Variants in RAI14 observed in about 807,000 individuals in gnomAD.
The protein encoded by RAI14 is ankycorbin.
Under a neutral mutation model 115.4 loss-of-function variants are expected in RAI14, and 45 were observed. That is an observed-to-expected ratio of 0.39 (90% CI 0.31 to 0.50). The LOEUF (loss-of-function observed/expected upper bound fraction) is 0.50. RAI14 is among the 20% of genes least tolerant of loss of function. The pLI, the probability that RAI14 is intolerant of heterozygous loss-of-function variation, is 0.85. For missense variants in RAI14, 939 were observed against 1,131.2 expected (o/e 0.83, Z 2.44); for synonymous variants, 371 against 415.4 (o/e 0.89, Z 1.30).
intron 1 of RAI14, among the ~76,000 whole-genome samples, chr5:34,678,174 C>T (rs1009140061): frequency 5.9e-5 from 9 of 151,784 alleles, no homozygotes; most frequent in African/African-American, 2.2e-4. Flanking sequence ...CTTGGCTCAC[C>T]GCAACCTCCA....
chr5:34,683,790 C>G (rs905535298), intron 1 of RAI14, among the ~76,000 whole-genome samples: 1 of 151,518 alleles, frequency 6.6e-6, no homozygotes, highest in South Asian at 2.1e-4. Context: ...TGCAGTGGCG[C>G]GATATCGGCT....
At chr5:34,681,215 A>G (rs1744356779) in intron 1 of RAI14, among the ~76,000 whole-genome samples, 1 of 152,218 alleles carries the variant, frequency 6.6e-6, no homozygotes, top group South Asian at 2.1e-4. Context: ...GAATGTTTAT[A>G]TAGCTTTGGT....
intron 2 of RAI14, among the ~76,000 whole-genome samples, chr5:34,741,099 G>A (rs1270387644): frequency 6.6e-6 from 1 of 152,128 alleles, no homozygotes; most frequent in Admixed American, 6.5e-5. Flanking sequence ...TGAGTTTGGA[G>A]CATTGTGGAA....
intron 7 of RAI14, 94 bp from the exon 8 acceptor site, chr5:34,810,918 G>A: frequency 6.3e-7 from 1 of 1,581,988 alleles, no homozygotes; most frequent in Non-Finnish European, 8.6e-7. Context: ...AGCAGTCCAA[G>A]TCAGGAGAAA....
rs1402883688 is a variant in RAI14 at position 34,740,409 on chromosome 5, A to G, written c.37-17059A>G. Among the ~76,000 whole-genome samples the G allele has an allele frequency of 5.9e-5, 9 of 152,180 alleles. 1 individual carries two copies. Among genetic ancestry groups the G allele is most frequent in the Admixed American group, 3.3e-4 (5 of 15,280 alleles). On this transcript the variant is annotated intron_variant, in intron 2 of 17. Transcript: ENST00000265109. ...TGTGTGTGTTCACTGGCTACTTGGCATCTAGTTAAATCACAAAACTCTAAG... is the reference window on the plus strand; with the variant it reads ...TGTGTGTGTTCACTGGCTACTTGGCGTCTAGTTAAATCACAAAACTCTAAG...
intron 2 of RAI14, among the ~76,000 whole-genome samples, chr5:34,748,816 AT>A (rs60103548): frequency 0.16 from 19,377 of 119,004 alleles, 1,265 homozygotes; most frequent in South Asian, 0.21. Context: ...AAAAATAAAA[AT>A]TAAAAAAAAA....
chr5:34,798,658 GA>G (rs1230809210), intron 4 of RAI14, among the ~76,000 whole-genome samples: 1 of 152,148 alleles, frequency 6.6e-6, no homozygotes, highest in African/African-American at 2.4e-5. Flanking sequence ...TTTACCACCA[GA>G]GCCCTAACCC....
chr5:34,769,322 A>C (rs943264573), intron 3 of RAI14, among the ~76,000 whole-genome samples: 15 of 152,294 alleles, frequency 9.8e-5, no homozygotes, highest in Non-Finnish European at 2.1e-4. Flanking sequence ...TCTGCTGAAA[A>C]GATTTGTCTC....
chr5:34,775,606 C>T (rs929023448), intron 3 of RAI14, among the ~76,000 whole-genome samples: 7 of 152,142 alleles, frequency 4.6e-5, no homozygotes, highest in African/African-American at 1.2e-4. Flanking sequence ...AGATCTGAAC[C>T]GACACTTCCC....
At chr5:34,764,307 A>G (rs1452333640) in intron 3 of RAI14, among the ~76,000 whole-genome samples, 1 of 152,172 alleles carries the variant, frequency 6.6e-6, no homozygotes, top group African/African-American at 2.4e-5. Flanking sequence ...GCTTTGACAA[A>G]TGCTGAATTC....
intron 2 of RAI14, chr5:34,688,248 G>A (rs2149888740): frequency 6.5e-7 from 1 of 1,549,464 alleles, no homozygotes; most frequent in South Asian, 1.2e-5. Context: ...AGGAGAAAAA[G>A]GCAATTAAAT....
chr5:34,682,007 C>T (rs1744423992), intron 1 of RAI14, among the ~76,000 whole-genome samples: 1 of 152,072 alleles, frequency 6.6e-6, no homozygotes, highest in Non-Finnish European at 1.5e-5. Context: ...AGGCATGCGC[C>T]ACCACGCCCG....
Position 34,740,871 on chromosome 5 carries a change from A to G in RAI14, c.37-16597A>G, listed in dbSNP as rs138557477. On this transcript the variant is annotated intron_variant, in intron 2 of 17. Coordinates refer to ENST00000265109, the MANE Select transcript of RAI14 (RefSeq NM_015577.3). Reference sequence around the variant, plus strand: ...GGAGTGTAGGAAGGCTATAACAAATATGCCCTTTCTTGAGAACTATAAGAG... The same window carrying G: ...GGAGTGTAGGAAGGCTATAACAAATGTGCCCTTTCTTGAGAACTATAAGAG... Among the ~76,000 whole-genome samples, 184 of 152,366 alleles carry G rather than the reference A, an allele frequency of 1.2e-3. 1 individual carries two copies. The highest frequency in any genetic ancestry group is 2.1e-3 in the Admixed American group (32 of 15,304).
At chr5:34,768,235 T>G (rs1235307044) in intron 3 of RAI14, among the ~76,000 whole-genome samples, 2 of 146,232 alleles carry the variant, frequency 1.4e-5, no homozygotes, top group Admixed American at 1.4e-4. Context: ...TGCACTGCCC[T>G]AGCAGAGGTT....
chr5:34,706,900 A>ATAAC (rs1219222147), intron 2 of RAI14, among the ~76,000 whole-genome samples: 1 of 152,194 alleles, frequency 6.6e-6, no homozygotes, highest in Non-Finnish European at 1.5e-5. Context: ...ACAAGAGGCA[A>ATAAC]TAACTGAGTC....
At chr5:34,807,956 C>T (rs1755124238) in intron 6 of RAI14, 99 bp downstream of exon 6, 10 of 932,568 alleles carry the variant, frequency 1.1e-5, no homozygotes, top group Non-Finnish European at 1.8e-5. Context: ...ATTCCTGGTG[C>T]TCTTTTCTGT....
chr5:34,733,321 A>G (rs2150027683), intron 2 of RAI14: 1 of 152,352 alleles, frequency 6.6e-6, no homozygotes, highest in African/African-American at 2.4e-5. Context: ...ACAAGCCAGG[A>G]TCTGAGCCCA....
chr5:34,759,814 C>T (rs1480958831), intron 3 of RAI14, among the ~76,000 whole-genome samples: 1 of 152,100 alleles, frequency 6.6e-6, no homozygotes, highest in Non-Finnish European at 1.5e-5. Flanking sequence ...TCCCTGGTAC[C>T]AAAAAGGTTG....
chr5:34,725,947 A>G (rs1743394493), intron 2 of RAI14, among the ~76,000 whole-genome samples: 1 of 139,282 alleles, frequency 7.2e-6, no homozygotes, highest in Admixed American at 7.4e-5. Context: ...GGGCAACAGG[A>G]GCGAAACTGC....
Sources: gnomAD v4.1 joint callset for allele counts (sites outside exome capture counted in the v4.1 genomes callset) on GRCh38, gnomAD v4.1.1 for gene constraint, MANE v1.5 for transcripts, NCBI Gene and HGNC (gene_info 2026-07-23, HGNC 2026-07-21) for gene names.